Variants in CD226 observed in about 807,000 individuals in gnomAD.
The protein encoded by CD226 is CD226 molecule, also known as CD226 antigen.
A neutral mutation model predicts 34.9 loss-of-function variants in CD226; 24 were observed. The ratio of observed to expected loss-of-function variants is 0.69; its 90% CI spans 0.50 to 0.97. The LOEUF (loss-of-function observed/expected upper bound fraction) is 0.97, where lower values mean the gene tolerates loss of function less well. Among genes scored for constraint, CD226 ranks in the 50% least tolerant of loss-of-function variants. CD226 has a pLI of 0.00. For missense variants in CD226, 397 were observed against 412.7 expected, an observed-to-expected ratio of 0.96 and a Z score of 0.33; for synonymous variants, 148 against 147.4, an observed-to-expected ratio of 1.00 and a Z score of -0.03.
In CD226 at chr18:69,864,421, T is replaced by G. The variant is rs1352786189; in HGVS notation, c.904A>C (p.Ser302Arg). ...GTAGGTTGACTGGTAGAGATGGGAC[T>G]TCTATAGTTATTGGGTGCCTAGAAA... ...DTQKAPNNYR[S>R]PISTSQPTNQ... The change falls in exon 6 of 6, where the codon AGT (serine) becomes CGT (arginine). Residue 302 changes from serine to arginine, a missense_variant. Physicochemically the swap from Ser to Arg is moderately radical, Grantham distance 110. Transcript: ENST00000582621. 1 of 1,613,484 alleles carries G rather than the reference T, an allele frequency of 6.2e-7. No individual in the cohort carries two copies. Among genetic ancestry groups the G allele is most frequent in the African/African-American group, 1.3e-5 (1 of 75,038 alleles).
chr18:69,897,596 G>T (rs1215407514), intron 2 of CD226, among the ~76,000 whole-genome samples: 1 of 151,856 alleles, frequency 6.6e-6, no homozygotes, highest in Non-Finnish European at 1.5e-5. Flanking sequence ...AGGAGCCATT[G>T]TCTTGGCATA....
At chr18:69,929,992 G>A (rs992970704) in intron 2 of CD226, among the ~76,000 whole-genome samples, 8 of 152,140 alleles carry the variant, frequency 5.3e-5, no homozygotes, top group Admixed American at 2.0e-4. Context: ...CAAGAATGAA[G>A]GAGGTCTGGC....
intron 2 of CD226, among the ~76,000 whole-genome samples, chr18:69,929,713 AC>A (rs1197820773): frequency 6.6e-6 from 1 of 152,150 alleles, no homozygotes; most frequent in Non-Finnish European, 1.5e-5. Context: ...GGATGTCTAA[AC>A]CTAAACGATT....
At chr18:69,940,147 T>C (rs568572116) in intron 2 of CD226, among the ~76,000 whole-genome samples, 2 of 152,306 alleles carry the variant, frequency 1.3e-5, no homozygotes, top group African/African-American at 4.8e-5. Context: ...TTCTTCTCCC[T>C]GCTACCATGT....
intron 3 of CD226, among the ~76,000 whole-genome samples, chr18:69,874,244 A>C (rs567587662): frequency 1.3e-5 from 2 of 152,352 alleles, no homozygotes; most frequent in East Asian, 3.9e-4. Flanking sequence ...TCACAAGAAC[A>C]ATCAACTGCG....
At chr18:69,954,698 G>C (rs1182418073) in intron 1 of CD226, among the ~76,000 whole-genome samples, 3 of 152,182 alleles carry the variant, frequency 2.0e-5, no homozygotes, top group Non-Finnish European at 4.4e-5. Flanking sequence ...AAGGCATCCA[G>C]AGCCAACTAG....
chr18:69,934,308 A>ACACACACG (rs1555684047), intron 2 of CD226, among the ~76,000 whole-genome samples: 16 of 150,904 alleles, frequency 1.1e-4, no homozygotes, highest in African/African-American at 4.0e-4. Context: ...ACACACACAC[A>ACACACACG]CACGCACGCA....
intron 3 of CD226, among the ~76,000 whole-genome samples, chr18:69,873,852 CAG>C (rs538261301): frequency 1.3e-5 from 2 of 152,098 alleles, no homozygotes; most frequent in African/African-American, 4.8e-5. Context: ...GCCTGGGCAA[CAG>C]AGAGAGACTC....
upstream of CD226, among the ~76,000 whole-genome samples, chr18:69,961,018 T>A (rs2055927140): frequency 1.3e-5 from 2 of 152,314 alleles, no homozygotes; most frequent in East Asian, 3.9e-4. Context: ...AATGTAGGAT[T>A]TGTAGGTGAT....
At chr18:69,864,961 T>A (rs1983047086) in intron 5 of CD226, among the ~76,000 whole-genome samples, 1 of 152,168 alleles carries the variant, frequency 6.6e-6, no homozygotes, top group South Asian at 2.1e-4. Context: ...AAAGGTCTTT[T>A]GATGAGTAAT....
In CD226 at chr18:69,858,360, G is replaced by A. The variant is rs1399688327; in HGVS notation, c.*5954C>T. On this transcript the variant is annotated 3_prime_UTR_variant, in exon 6 of 6. Coordinates refer to ENST00000582621, the MANE Select transcript of CD226 (RefSeq NM_001303618.2). ...TGAAGTTCTTCAACGAGCCTGGAGG[G>A]AATGTCGCAGTGTGTTCTGTTTGGA... is the stretch of plus-strand genomic sequence containing the variant. 1 of 152,172 alleles carries A rather than the reference G, an allele frequency of 6.6e-6. No homozygotes were observed. 9.4% of individuals were successfully genotyped at this position (152,172 alleles called of 1,614,324 possible). A position where few individuals can be genotyped will look rare whatever the true frequency, so the allele number is the denominator to read the frequency against.
chr18:69,873,107 A>C, intron 4 of CD226, 37 bp downstream of exon 4: 1 of 1,099,478 alleles, frequency 9.1e-7, no homozygotes, highest in Non-Finnish European at 1.4e-6. Context: ...AACCTCTAAC[A>C]TGGTGAATAA....
At position 69,864,201 on chromosome 18, in the gene CD226, A is replaced by G. The variant is rs1982986857; in HGVS notation, c.*113T>C. The G allele has an allele frequency of 1.1e-6, 1 of 875,820 alleles. No individual in the cohort carries two copies. Among genetic ancestry groups the G allele is most frequent in the South Asian group, 1.8e-5 (1 of 56,780 alleles). 54.3% of individuals were successfully genotyped at this position (875,820 alleles called of 1,614,324 possible). ...AGTATTTTTCCTATCAAAGTAACTC[A>G]ATTCAGACAACTAGTATCTAAGGTA... On this transcript the variant is annotated 3_prime_UTR_variant, in exon 6 of 6. Coordinates refer to ENST00000582621, the MANE Select transcript of CD226 (RefSeq NM_001303618.2).
Position 69,895,928 on chromosome 18 carries a change from T to C in CD226, c.500A>G (p.Lys167Arg), listed in dbSNP as rs746409451. 6.2e-7 allele frequency: 1 copy of C among 1,614,144 alleles called. No individual in the cohort carries two copies. The highest frequency in any genetic ancestry group is 1.1e-5 in the South Asian group (1 of 91,082). The change falls in exon 3 of 6, where the codon AAG (lysine) becomes AGG (arginine). Residue 167 changes from lysine (K) to arginine (R), a missense_variant. By Grantham distance (26) the Lys-to-Arg change is conservative. Transcript: ENST00000582621. ...GAGGTCGATCTGACGGGGCTGGATC[T>C]TTTCCCACCTCACTGCCTGCACAGG... is the stretch of plus-strand genomic sequence containing the variant. Reference protein sequence around the residue: ...TWPVQAVRWEKIQPRQIDLLT... With the variant: ...TWPVQAVRWERIQPRQIDLLT...
rs1982658981 is a variant in CD226 at position 69,857,955 on chromosome 18, TG to T, written c.*6358del. On this transcript the variant is annotated 3_prime_UTR_variant, in exon 6 of 6. Coordinates refer to ENST00000582621, the MANE Select transcript of CD226 (RefSeq NM_001303618.2). ...TGTTACCAAAAAAAATGGTAGTTCTTGTAAAGGTATACCTGTGTCTAGACAT... is the reference window on the plus strand; with the variant it reads ...TGTTACCAAAAAAAATGGTAGTTCTTTAAAGGTATACCTGTGTCTAGACAT... 1.3e-5 allele frequency: 2 copies of T among 152,206 alleles called. No homozygotes were observed. Among genetic ancestry groups the T allele is most frequent in the African/African-American group, 4.8e-5 (2 of 41,448 alleles). The allele number at this position is 152,206 out of a possible 1,614,324, so 9.4% of individuals were successfully genotyped here.
chr18:69,900,515 G>T (rs1218673623), intron 2 of CD226, among the ~76,000 whole-genome samples: 1 of 151,758 alleles, frequency 6.6e-6, no homozygotes, highest in African/African-American at 2.4e-5. Context: ...GGCGGATCAC[G>T]AGGTCAGGAG....
At chr18:69,954,644 A>ATG (rs1441580889) in intron 1 of CD226, among the ~76,000 whole-genome samples, 7 of 152,036 alleles carry the variant, frequency 4.6e-5, no homozygotes, top group Non-Finnish European at 8.8e-5. Flanking sequence ...AGGACTGGAA[A>ATG]AGGGGTACTA....
chr18:69,923,852 G>A (rs964653396), intron 2 of CD226, among the ~76,000 whole-genome samples: 4 of 151,848 alleles, frequency 2.6e-5, no homozygotes, highest in African/African-American at 7.3e-5. Flanking sequence ...TACTTGGGAG[G>A]CTGAGGCAGG....
At chr18:69,888,417 T>TG (rs5825979) in intron 3 of CD226, among the ~76,000 whole-genome samples, 1 of 10,692 alleles carries the variant, frequency 9.4e-5, no homozygotes, top group Non-Finnish European at 4.1e-4. Flanking sequence ...TTCCTTTCTC[T>TG]TTTTTTTTTT....
Sources: allele counts gnomAD v4.1 joint callset (sites outside exome capture counted in the v4.1 genomes callset), GRCh38; gene constraint gnomAD v4.1.1; transcripts MANE v1.5; gene names NCBI Gene and HGNC (gene_info 2026-07-23, HGNC 2026-07-21).